The following TLL1 variants were observed in gnomAD, a reference collection of about 807,000 sequenced individuals.
TLL1 encodes the protein tolloid-like protein 1.
A neutral mutation model predicts 128.2 loss-of-function variants in TLL1; 49 were observed. The observed-to-expected ratio is 0.38, with a 90% CI of 0.30 to 0.48. The LOEUF (loss-of-function observed/expected upper bound fraction) is 0.48. TLL1 is among the 20% of genes least tolerant of loss of function. TLL1 has a pLI of 0.96. For missense variants in TLL1, 1,123 were observed against 1,242.0 expected (o/e 0.90, Z 1.44); for synonymous variants, 454 against 418.8 (o/e 1.08, Z -1.03).
intron 1 of TLL1, among the ~76,000 whole-genome samples, chr4:165,934,783 A>T (rs1456593769): frequency 1.3e-5 from 2 of 152,178 alleles, no homozygotes; most frequent in Non-Finnish European, 2.9e-5. Flanking sequence ...ACATTTTAAC[A>T]TGTTTGTCAC....
intron 3 of TLL1, among the ~76,000 whole-genome samples, chr4:165,993,704 T>A (rs1736741089): frequency 6.6e-6 from 1 of 152,024 alleles, no homozygotes; most frequent in African/African-American, 2.4e-5. Flanking sequence ...AACAAAAATA[T>A]TATGAAAGGC....
chr4:166,094,529 C>CA (rs1486408506), intron 19 of TLL1, among the ~76,000 whole-genome samples: 3 of 152,088 alleles, frequency 2.0e-5, no homozygotes, highest in African/African-American at 7.2e-5. Flanking sequence ...ATTTGTTAGG[C>CA]AAAACGGGCC....
intron 1 of TLL1, among the ~76,000 whole-genome samples, chr4:165,957,485 C>A (rs1446298370): frequency 2.7e-5 from 4 of 150,372 alleles, no homozygotes; most frequent in African/African-American, 9.8e-5. Context: ...TTTTTTTTAC[C>A]TTTTTAAATG....
At position 165,873,434 on chromosome 4, in the gene TLL1, C is replaced by T. The variant is rs1730578169; in HGVS notation, c.-471C>T. Reference sequence around the variant, plus strand: ...GGAGCTGCGGCGGCGGCTTTGGGCTCAGGCGGCGGCGGCTCGCGCTCGGCC... The same window carrying T: ...GGAGCTGCGGCGGCGGCTTTGGGCTTAGGCGGCGGCGGCTCGCGCTCGGCC... On this transcript the variant is annotated 5_prime_UTR_variant, in exon 1 of 21. Transcript: ENST00000061240. The T allele has an allele frequency of 6.5e-6, 1 of 153,154 alleles. No homozygotes were observed. Among genetic ancestry groups the T allele is most frequent in the African/African-American group, 2.4e-5 (1 of 41,442 alleles). The allele number at this position is 153,154 out of a possible 1,614,324, so 9.5% of individuals were successfully genotyped here. A position where few individuals can be genotyped will look rare whatever the true frequency, so the allele number is the denominator to read the frequency against.
intron 12 of TLL1, among the ~76,000 whole-genome samples, chr4:166,050,673 G>A (rs752192427): frequency 2.6e-5 from 4 of 152,082 alleles, no homozygotes; most frequent in Non-Finnish European, 5.9e-5. Context: ...CCCAAGCCTG[G>A]CCATGACCCC....
chr4:165,917,140 C>G (rs1049889460), intron 1 of TLL1, among the ~76,000 whole-genome samples: 2 of 151,870 alleles, frequency 1.3e-5, no homozygotes, highest in Non-Finnish European at 2.9e-5. Context: ...TTTGAAAGTT[C>G]AGAAATGAAG....
chr4:166,075,028 T>G (rs201409704), intron 17 of TLL1, 25 bp downstream of exon 17: 20 of 1,611,724 alleles, frequency 1.2e-5, no homozygotes, highest in Non-Finnish European at 1.5e-5. Flanking sequence ...ACACTTTTTT[T>G]GACAACATGT....
intron 1 of TLL1, among the ~76,000 whole-genome samples, chr4:165,927,841 A>G (rs971558389): frequency 6.6e-6 from 1 of 152,236 alleles, no homozygotes; most frequent in Non-Finnish European, 1.5e-5. Flanking sequence ...CCAAAATTAC[A>G]GTAGGGCTGA....
At chr4:165,929,327 A>G (rs1733411735) in intron 1 of TLL1, among the ~76,000 whole-genome samples, 2 of 152,136 alleles carry the variant, frequency 1.3e-5, no homozygotes, top group South Asian at 2.1e-4. Flanking sequence ...TCACGAGGTC[A>G]AGAGATCAAG....
Position 166,009,081 on chromosome 4 carries a change from C to T in TLL1, c.917+1033C>T, listed in dbSNP as rs1032568616. The stretch of plus-strand genomic sequence containing the variant: ...AAAGTACATTATTTATAGACATACG[C>T]ATTCATTTGTTAAAATATAATTAAC... On this transcript the variant is annotated intron_variant, in intron 7 of 20. Transcript: ENST00000061240. Among the ~76,000 whole-genome samples, 10 of 151,376 alleles carry T rather than the reference C, an allele frequency of 6.6e-5. No homozygotes were observed. In the East Asian group the frequency reaches 1.9e-3, roughly 29 times the overall value.
Position 165,983,932 on chromosome 4 carries a change from C to T in TLL1, c.170-5449C>T, listed in dbSNP as rs571770846. ...GATGAGTGAACAATTTTATTTAACT[C>T]ATTAATAGTACTTTACTGCAAGCAC... On this transcript the variant is annotated intron_variant, in intron 1 of 20. Transcript: ENST00000061240. 1.3e-4 allele frequency among the ~76,000 whole-genome samples: 20 copies of T among 151,848 alleles called. 1 individual carries two copies. The South Asian group carries it at 4.2e-3, about 32-fold the overall frequency.
chr4:166,048,238 G>GAAAAA (rs56801648), intron 12 of TLL1, among the ~76,000 whole-genome samples: 1 of 100,678 alleles, frequency 9.9e-6, no homozygotes, highest in Non-Finnish European at 2.1e-5. Flanking sequence ...TTCCGTCTCG[G>GAAAAA]AAAAAAAAAA....
In TLL1 at chr4:165,917,454, T is replaced by C. The variant is rs184888813; in HGVS notation, c.169+43381T>C. ...GGGTATAAAATGGGAATAATACTAG[T>C]ATCCTATGGCTCTTAGTATTTAATA... is the stretch of plus-strand genomic sequence containing the variant. On this transcript the variant is annotated intron_variant, in intron 1 of 20. Transcript: ENST00000061240. Among the ~76,000 whole-genome samples, 39 of 152,318 alleles carry C rather than the reference T, an allele frequency of 2.6e-4. 1 individual carries two copies. The highest frequency in any genetic ancestry group is 2.4e-3 in the Admixed American group (36 of 15,302).
chr4:165,932,434 A>G (rs945734771), intron 1 of TLL1, among the ~76,000 whole-genome samples: 7 of 152,172 alleles, frequency 4.6e-5, no homozygotes, highest in Non-Finnish European at 7.3e-5. Context: ...GCAAAGTTCT[A>G]CCACTGTAAC....
At chr4:166,098,413 T>C (rs1742128235) in intron 19 of TLL1, among the ~76,000 whole-genome samples, 1 of 151,662 alleles carries the variant, frequency 6.6e-6, no homozygotes, top group Non-Finnish European at 1.5e-5. Flanking sequence ...CCTTTTATTC[T>C]CTAAATTATA....
chr4:165,991,298 A>G (rs1736626137), intron 2 of TLL1, among the ~76,000 whole-genome samples: 1 of 151,986 alleles, frequency 6.6e-6, no homozygotes, highest in Admixed American at 6.6e-5. Context: ...CTTATTCTAA[A>G]TTTTTCTGTG....
In TLL1 at chr4:165,931,984, T is replaced by C. The variant is rs182539722; in HGVS notation, c.170-57397T>C. Among the ~76,000 whole-genome samples the C allele has an allele frequency of 3.6e-4, 55 of 152,286 alleles. No individual in the cohort carries two copies. In the East Asian group the frequency reaches 4.8e-3, roughly 13 times the overall value. The stretch of plus-strand genomic sequence containing the variant: ...TGAGTAGAAGCCCTAGTGGGGACTT[T>C]CCTTTGCTGGAAAGCCAGGTGATGG... On this transcript the variant is annotated intron_variant, in intron 1 of 20. Coordinates refer to ENST00000061240, the MANE Select transcript of TLL1 (RefSeq NM_012464.5).
At chr4:166,057,798 T>A (rs991688225) in intron 14 of TLL1, among the ~76,000 whole-genome samples, 3 of 152,050 alleles carry the variant, frequency 2.0e-5, no homozygotes, top group Non-Finnish European at 2.9e-5. Flanking sequence ...CGTAAGACTT[T>A]CTCACTATCG....
In TLL1 at chr4:166,065,760, T is replaced by C; in HGVS notation, c.2085T>C (p.Ala695=). The change falls in exon 16 of 21, where the codon GCT becomes GCC. Residue 695 remains alanine, a synonymous_variant. Coordinates refer to ENST00000061240, the MANE Select transcript of TLL1 (RefSeq NM_012464.5). ...ESKLHGKFCG[A]EVPEVITSQF... ...AACTGCATGGCAAATTCTGTGGCGCTGAAGTGCCTGAAGTGATCACATCCC... is the reference window on the plus strand; with the variant it reads ...AACTGCATGGCAAATTCTGTGGCGCCGAAGTGCCTGAAGTGATCACATCCC... 3.1e-6 allele frequency: 5 copies of C among 1,613,122 alleles called. No homozygotes were observed. Among genetic ancestry groups the C allele is most frequent in the Non-Finnish European group, 4.2e-6 (5 of 1,179,370 alleles).
Sources: gnomAD v4.1 joint callset for allele counts (sites outside exome capture counted in the v4.1 genomes callset) on GRCh38, gnomAD v4.1.1 for gene constraint, MANE v1.5 for transcripts, NCBI Gene and HGNC (gene_info 2026-07-23, HGNC 2026-07-21) for gene names.